Variants in ERC1 observed in about 807,000 individuals in gnomAD.
ERC1 encodes ELKS/RAB6-interacting/CAST family member 1, also known as RAB6 interacting protein 2.
In ERC1, 56 loss-of-function variants were observed where a neutral mutation model predicts 132.0. The ratio of observed to expected loss-of-function variants is 0.42; its 90% CI spans 0.34 to 0.53. ERC1 has a LOEUF of 0.53. ERC1 is among the 20% of genes least tolerant of loss of function. ERC1 has a pLI of 0.03. For synonymous variants in ERC1, 478 were observed against 476.1 expected (o/e 1.00, Z -0.05); for missense variants, 1,202 against 1,349.9 (o/e 0.89, Z 1.72).
chr12:1,033,173 A>G (rs1968388930), intron 2 of ERC1, among the ~76,000 whole-genome samples: 1 of 151,924 alleles, frequency 6.6e-6, no homozygotes. Context: ...AGTAGCTGGG[A>G]CTACAGGCGC....
chr12:1,304,924 G>A (rs973552822), intron 15 of ERC1, among the ~76,000 whole-genome samples: 1 of 150,782 alleles, frequency 6.6e-6, no homozygotes, highest in Non-Finnish European at 1.5e-5. Flanking sequence ...CGAGTAGCTG[G>A]GACTACAGGC....
intron 12 of ERC1, among the ~76,000 whole-genome samples, chr12:1,196,022 C>T (rs1956197844): frequency 6.6e-6 from 1 of 151,990 alleles, no homozygotes. Flanking sequence ...TACCTCATAC[C>T]TTCCAAATCA....
intron 1 of ERC1, among the ~76,000 whole-genome samples, chr12:1,005,227 C>A (rs1380767673): frequency 6.6e-6 from 1 of 152,188 alleles, no homozygotes; most frequent in Admixed American, 6.5e-5. Context: ...TCATGGCTTA[C>A]TACAGCCTCG....
In ERC1 at chr12:1,490,083, T is replaced by G. The variant is rs769933235; in HGVS notation, c.3214-10T>G. ...TTGTATCTGAAATCCATCTCTCCTT[T>G]CCCTTTCAGCTTCAGGATGAGTTAG... On this transcript the variant is annotated splice_polypyrimidine_tract_variant and intron_variant, in intron 18 of 18. Coordinates refer to ENST00000360905, the MANE Select transcript of ERC1 (RefSeq NM_178040.4). 7 of 1,612,818 alleles carry G rather than the reference T, an allele frequency of 4.3e-6. No homozygotes were observed. The highest frequency in any genetic ancestry group is 1.6e-4 in the Middle Eastern group (1 of 6,082).
At chr12:1,480,915 G>GC (rs2094077686) in intron 18 of ERC1, 2 of 702,274 alleles carry the variant, frequency 2.8e-6, no homozygotes, top group East Asian at 2.7e-5. Flanking sequence ...AAATGCAGAC[G>GC]CCCCCAGACG....
At chr12:1,153,912 A>T (rs1244075700) in intron 8 of ERC1, among the ~76,000 whole-genome samples, 1 of 151,944 alleles carries the variant, frequency 6.6e-6, no homozygotes, top group Non-Finnish European at 1.5e-5. Flanking sequence ...ATTCGTTTGG[A>T]GTAGTTTGGG....
At chr12:1,156,886 G>C (rs1254455742) in intron 8 of ERC1, among the ~76,000 whole-genome samples, 4 of 151,698 alleles carry the variant, frequency 2.6e-5, no homozygotes, top group Non-Finnish European at 4.4e-5. Context: ...ATTTTTTCTT[G>C]TTGATTTATA....
chr12:1,062,291 C>G (rs1593037079), intron 2 of ERC1, among the ~76,000 whole-genome samples: 2 of 151,972 alleles, frequency 1.3e-5, no homozygotes, highest in South Asian at 4.2e-4. Context: ...CTTTTCTTTT[C>G]TTTTTTTGAA....
At chr12:1,200,584 A>T (rs1956814489) in intron 12 of ERC1, among the ~76,000 whole-genome samples, 1 of 148,910 alleles carries the variant, frequency 6.7e-6, no homozygotes, top group South Asian at 2.1e-4. Flanking sequence ...TCTGAGGCGG[A>T]GTCTCTCTCT....
In ERC1 at chr12:991,333, CGCGGCG is replaced by C. The variant is rs1162718981; in HGVS notation, c.-157+18_-157+23del. 1.3e-5 allele frequency: 2 copies of C among 156,116 alleles called. No individual in the cohort carries two copies. The highest frequency in any genetic ancestry group is 4.9e-5 in the African/African-American group (2 of 41,076). The allele number at this position is 156,116 out of a possible 1,614,324, so 9.7% of individuals were successfully genotyped here. On this transcript the variant is annotated intron_variant, in intron 1 of 18. Transcript: ENST00000360905. ...GCAGCCCTGAGGACGGTGAGACGGCCGCGGCGGCGGCGACAGCGCGGAAGTCGCGCG... is the reference window on the plus strand; with the variant it reads ...GCAGCCCTGAGGACGGTGAGACGGCCGCGGCGACAGCGCGGAAGTCGCGCG...
intron 2 of ERC1, among the ~76,000 whole-genome samples, chr12:1,038,860 G>C (rs1565837317): frequency 1.3e-5 from 2 of 152,130 alleles, no homozygotes; most frequent in Non-Finnish European, 2.9e-5. Flanking sequence ...GATTAAACAG[G>C]GTAATAGGAA....
chr12:1,348,093 A>T (rs924005362), intron 15 of ERC1, among the ~76,000 whole-genome samples: 7 of 152,130 alleles, frequency 4.6e-5, no homozygotes, highest in Admixed American at 3.3e-4. Context: ...TGCAGTGTTT[A>T]TTTACATTGT....
rs1592519571 is a variant in ERC1, at chr12:991,292, A to AGCG, written c.-185_-184insGGC. 8.5e-4 allele frequency: 86 copies of AGCG among 101,082 alleles called. 4 individuals carry two copies. In the East Asian group the frequency reaches 0.015, roughly 17 times the overall value. The allele number at this position is 101,082 out of a possible 1,614,324, so 6.3% of individuals were successfully genotyped here. ...GCGGCGGCGGCGGTGCCTGGGCGGC[A>AGCG]GCAGCAGCAGTAGCGGCAGCCCTGA... On this transcript the variant is annotated 5_prime_UTR_variant, in exon 1 of 19. Coordinates refer to ENST00000360905, the MANE Select transcript of ERC1 (RefSeq NM_178040.4).
intron 16 of ERC1, among the ~76,000 whole-genome samples, chr12:1,379,372 G>A (rs547532150): frequency 6.6e-6 from 1 of 152,298 alleles, no homozygotes; most frequent in Non-Finnish European, 1.5e-5. Flanking sequence ...TTCCCTTGAA[G>A]ATCCAGTGGC....
chr12:1,064,941 G>A (rs1270896182), intron 2 of ERC1, among the ~76,000 whole-genome samples: 1 of 152,146 alleles, frequency 6.6e-6, no homozygotes, highest in Non-Finnish European at 1.5e-5. Flanking sequence ...TGTCCCATAT[G>A]CCATGTGGGC....
At chr12:1,246,831 G>A (rs1156351165) in intron 13 of ERC1, among the ~76,000 whole-genome samples, 2 of 152,144 alleles carry the variant, frequency 1.3e-5, no homozygotes, top group South Asian at 2.1e-4. Context: ...GACATTTTAC[G>A]ACATAACTGA....
intron 15 of ERC1, among the ~76,000 whole-genome samples, chr12:1,320,733 A>C (rs1339118959): frequency 6.6e-6 from 1 of 152,022 alleles, no homozygotes; most frequent in Non-Finnish European, 1.5e-5. Flanking sequence ...ACGGAATCTC[A>C]CTCTGTCGCC....
At chr12:1,108,194 A>C (rs1020338376) in intron 4 of ERC1, among the ~76,000 whole-genome samples, 2 of 152,206 alleles carry the variant, frequency 1.3e-5, no homozygotes, top group African/African-American at 4.8e-5. Flanking sequence ...AGCTGGAGTC[A>C]TGATCCCTTT....
intron 11 of ERC1, among the ~76,000 whole-genome samples, chr12:1,185,099 T>C (rs548878486): frequency 2.6e-4 from 39 of 152,290 alleles, no homozygotes; most frequent in African/African-American, 8.7e-4. Context: ...TTAGTAGAGA[T>C]GGGGTTTCAC....
Sources: allele counts gnomAD v4.1 joint callset (sites outside exome capture counted in the v4.1 genomes callset), GRCh38; gene constraint gnomAD v4.1.1; transcripts MANE v1.5; gene names NCBI Gene and HGNC (gene_info 2026-07-23, HGNC 2026-07-21).